The following TNFSF4 variants were observed in gnomAD, a reference collection of about 807,000 sequenced individuals.
TNFSF4 encodes TNF superfamily member 4, also known as tumor necrosis factor ligand superfamily member 4.
In TNFSF4, 4 loss-of-function variants were observed where a neutral mutation model predicts 7.3. The ratio of observed to expected loss-of-function variants is 0.55; its 90% CI spans 0.27 to 1.25. The LOEUF is 1.25. Among genes scored for constraint, TNFSF4 ranks in the 50% most tolerant of loss-of-function variants. The pLI, the probability that TNFSF4 is intolerant of heterozygous loss-of-function variation, is 0.12. For missense variants in TNFSF4, 181 were observed against 208.8 expected (o/e 0.87, Z 0.82); for synonymous variants, 76 against 83.7 (o/e 0.91, Z 0.50).
chr1:173,296,016 T>C, the TNFSF4 span, among the ~76,000 whole-genome samples: 1 of 152,014 alleles, frequency 6.6e-6, no homozygotes, highest in Non-Finnish European at 1.5e-5. Flanking sequence ...CTATGCATAG[T>C]TTTTTCATAA....
the TNFSF4 span, among the ~76,000 whole-genome samples, chr1:173,411,659 G>A: frequency 1.4e-4 from 21 of 152,092 alleles, no homozygotes; most frequent in South Asian, 4.2e-3. Context: ...AAAATTAGCT[G>A]GACATGGTGA....
chr1:173,272,024 T>C, the TNFSF4 span, among the ~76,000 whole-genome samples: 2 of 152,078 alleles, frequency 1.3e-5, no homozygotes, highest in African/African-American at 4.8e-5. Flanking sequence ...ATCCATAAAA[T>C]GTATGAGTTC....
At chr1:173,301,490 GC>G in the TNFSF4 span, among the ~76,000 whole-genome samples, 2 of 151,812 alleles carry the variant, frequency 1.3e-5, no homozygotes, top group African/African-American at 4.8e-5. Context: ...GCACATAAGA[GC>G]AAATCAAAAG....
chr1:173,318,172 C>G, the TNFSF4 span, among the ~76,000 whole-genome samples: 1 of 152,164 alleles, frequency 6.6e-6, no homozygotes. Context: ...CATGGTGGCT[C>G]ATGCCTGTCT....
At chr1:173,201,439 C>T (rs1357075333) in intron 1 of TNFSF4, among the ~76,000 whole-genome samples, 11 of 152,126 alleles carry the variant, frequency 7.2e-5, no homozygotes, top group Non-Finnish European at 2.9e-5. Flanking sequence ...TGTGTGCACA[C>T]ACATACTATA....
chr1:173,336,918 A>G, the TNFSF4 span, among the ~76,000 whole-genome samples: 1 of 145,490 alleles, frequency 6.9e-6, no homozygotes, highest in African/African-American at 2.4e-5. Flanking sequence ...TTAGGCCTCT[A>G]GAGTCTAGAG....
chr1:173,316,220 T>C, the TNFSF4 span, among the ~76,000 whole-genome samples: 1 of 151,906 alleles, frequency 6.6e-6, no homozygotes, highest in South Asian at 2.1e-4. Flanking sequence ...AAGTTGACCA[T>C]ATATGCTTGA....
chr1:173,248,281 T>C, the TNFSF4 span, among the ~76,000 whole-genome samples: 1 of 151,502 alleles, frequency 6.6e-6, no homozygotes, highest in African/African-American at 2.4e-5. Flanking sequence ...TGCTTGAACC[T>C]GGGAGGCGGA....
At chr1:173,338,973 C>T in the TNFSF4 span, among the ~76,000 whole-genome samples, 2 of 152,144 alleles carry the variant, frequency 1.3e-5, no homozygotes. Context: ...TTCCTTCAGG[C>T]ATTCTTAGTA....
the TNFSF4 span, among the ~76,000 whole-genome samples, chr1:173,253,714 A>G: frequency 1.3e-5 from 2 of 152,226 alleles, no homozygotes; most frequent in African/African-American, 4.8e-5. Context: ...AATGCTGTGA[A>G]GGTAGCTGGA....
the TNFSF4 span, among the ~76,000 whole-genome samples, chr1:173,237,185 G>A: frequency 1.3e-5 from 2 of 152,206 alleles, no homozygotes; most frequent in African/African-American, 4.8e-5. Flanking sequence ...GTGGAATTGT[G>A]CGTCCATTAA....
At chr1:173,278,703 G>C in the TNFSF4 span, among the ~76,000 whole-genome samples, 1 of 152,020 alleles carries the variant, frequency 6.6e-6, no homozygotes, top group Non-Finnish European at 1.5e-5. Context: ...AAATTAATTA[G>C]AGGAATGGGA....
At chr1:173,256,252 C>T in the TNFSF4 span, among the ~76,000 whole-genome samples, 1 of 152,082 alleles carries the variant, frequency 6.6e-6, no homozygotes, top group Non-Finnish European at 1.5e-5. Flanking sequence ...AATACCATGG[C>T]CTGGGTGATT....
the TNFSF4 span, among the ~76,000 whole-genome samples, chr1:173,306,088 GA>G: frequency 6.6e-6 from 1 of 151,660 alleles, no homozygotes; most frequent in Non-Finnish European, 1.5e-5. Flanking sequence ...TCTCATCTCT[GA>G]AATCCAAATC....
chr1:173,302,271 G>C, the TNFSF4 span, among the ~76,000 whole-genome samples: 1 of 151,894 alleles, frequency 6.6e-6, no homozygotes, highest in Non-Finnish European at 1.5e-5. Context: ...TTATCCAAAT[G>C]AGTCTTACAA....
At chr1:173,295,365 G>A in the TNFSF4 span, among the ~76,000 whole-genome samples, 4 of 151,918 alleles carry the variant, frequency 2.6e-5, no homozygotes, top group Non-Finnish European at 1.5e-5. Context: ...TAAGCAAATG[G>A]TGATGTATCC....
chr1:173,200,408 A>G (rs999630201), intron 1 of TNFSF4, among the ~76,000 whole-genome samples: 1 of 152,194 alleles, frequency 6.6e-6, no homozygotes, highest in Non-Finnish European at 1.5e-5. Flanking sequence ...AGTACATTGA[A>G]TAATACCATT....
chr1:173,241,188 A>G, the TNFSF4 span, among the ~76,000 whole-genome samples: 2 of 152,186 alleles, frequency 1.3e-5, no homozygotes, highest in Non-Finnish European at 2.9e-5. Context: ...ACCTCTCCCC[A>G]ACCCCAACAC....
At chr1:173,200,945 A>C (rs1360633328) in intron 1 of TNFSF4, among the ~76,000 whole-genome samples, 2 of 152,256 alleles carry the variant, frequency 1.3e-5, no homozygotes, top group African/African-American at 4.8e-5. Flanking sequence ...CAAGCTAGGC[A>C]AACTTATAAA....
Sources: gnomAD v4.1 joint callset for allele counts (sites outside exome capture counted in the v4.1 genomes callset) on GRCh38, gnomAD v4.1.1 for gene constraint, MANE v1.5 for transcripts, NCBI Gene and HGNC (gene_info 2026-07-23, HGNC 2026-07-21) for gene names.